TNIK: variants seen among roughly 807,000 people sequenced by gnomAD.
TNIK encodes TRAF2 and NCK interacting kinase, also known as TRAF2 and NCK-interacting protein kinase.
TNIK carries 49 observed loss-of-function variants against 191.3 expected under a neutral mutation model. That is an observed-to-expected ratio of 0.26 (90% CI 0.20 to 0.32). The LOEUF is 0.32. Ranked by LOEUF, TNIK falls within the 10% of genes least tolerant of loss-of-function variation. The pLI is 1.00. For synonymous variants in TNIK, 594 were observed against 600.9 expected (o/e 0.99, Z 0.17); for missense variants, 1,155 against 1,702.3 (o/e 0.68, Z 5.66).
intron 22 of TNIK, 42 bp downstream of exon 22, chr3:171,101,407 C>A: frequency 6.5e-7 from 1 of 1,544,996 alleles, no homozygotes; most frequent in Non-Finnish European, 8.7e-7. Context: ...TTTTGGAAAC[C>A]TAGTCCCCTC....
chr3:171,312,494 C>T (rs1026844935), intron 2 of TNIK, among the ~76,000 whole-genome samples: 2 of 151,836 alleles, frequency 1.3e-5, no homozygotes, highest in African/African-American at 2.4e-5. Context: ...CAGGTTTTAA[C>T]GACTACCCAC....
intron 2 of TNIK, among the ~76,000 whole-genome samples, chr3:171,299,518 G>T (rs1446924519): frequency 2.0e-5 from 3 of 152,174 alleles, no homozygotes. Context: ...TTAACTACTT[G>T]ATACAATGAA....
intron 2 of TNIK, among the ~76,000 whole-genome samples, chr3:171,360,063 T>C (rs1714748926): frequency 6.6e-6 from 1 of 152,188 alleles, no homozygotes; most frequent in South Asian, 2.1e-4. Flanking sequence ...TATTTTGGAC[T>C]AAAGCATTCT....
chr3:171,355,344 G>A (rs373661240), intron 2 of TNIK, among the ~76,000 whole-genome samples: 2 of 152,182 alleles, frequency 1.3e-5, no homozygotes, highest in East Asian at 3.8e-4. Flanking sequence ...GAATGGAAAG[G>A]TTTTGAAGTT....
At chr3:171,264,364 T>A (rs1748116959) in intron 2 of TNIK, among the ~76,000 whole-genome samples, 1 of 150,958 alleles carries the variant, frequency 6.6e-6, no homozygotes, top group African/African-American at 2.4e-5. Flanking sequence ...ATATATATAT[T>A]TTATTTTCAG....
chr3:171,079,854 G>C (rs1349210589), intron 27 of TNIK, among the ~76,000 whole-genome samples: 2 of 152,132 alleles, frequency 1.3e-5, no homozygotes, highest in African/African-American at 2.4e-5. Flanking sequence ...ACGTGTTTTA[G>C]ACACATCACA....
chr3:171,289,327 G>T (rs1284932384), intron 2 of TNIK, among the ~76,000 whole-genome samples: 1 of 152,178 alleles, frequency 6.6e-6, no homozygotes, highest in Non-Finnish European at 1.5e-5. Flanking sequence ...CCTTTAAAAG[G>T]CTATGGTTCT....
intron 2 of TNIK, among the ~76,000 whole-genome samples, chr3:171,334,318 G>C (rs144683016): frequency 6.6e-6 from 1 of 152,142 alleles, no homozygotes; most frequent in African/African-American, 2.4e-5. Flanking sequence ...CACTGTGACC[G>C]TAGAAACTGG....
chr3:171,206,249 ATATATGAT>A (rs1307547706), intron 4 of TNIK, among the ~76,000 whole-genome samples: 1 of 151,736 alleles, frequency 6.6e-6, no homozygotes, highest in Non-Finnish European at 1.5e-5. Flanking sequence ...AGCCATGTAT[ATATATGAT>A]GATATGATAA....
At chr3:171,073,293 A>T (rs1029852164) in intron 28 of TNIK, among the ~76,000 whole-genome samples, 1 of 152,068 alleles carries the variant, frequency 6.6e-6, no homozygotes, top group Non-Finnish European at 1.5e-5. Context: ...AACATAAACA[A>T]TGAGGAAAGG....
intron 2 of TNIK, among the ~76,000 whole-genome samples, chr3:171,322,802 G>GT (rs11415415): frequency 0.25 from 36,043 of 143,814 alleles, 5,191 homozygotes; most frequent in African/African-American, 0.42. Context: ...TGTTATTAGT[G>GT]TTTTTTTTGT....
At chr3:171,350,168 C>T (rs1712907119) in intron 2 of TNIK, among the ~76,000 whole-genome samples, 1 of 152,164 alleles carries the variant, frequency 6.6e-6, no homozygotes, top group African/African-American at 2.4e-5. Context: ...ACAATATTTA[C>T]ACAAAATATT....
At chr3:171,358,553 G>A (rs1387396348) in intron 2 of TNIK, among the ~76,000 whole-genome samples, 2 of 152,168 alleles carry the variant, frequency 1.3e-5, no homozygotes, top group Non-Finnish European at 2.9e-5. Context: ...ATTTGGGTAG[G>A]GAGACAGCCA....
chr3:171,268,564 G>A (rs142742374), intron 2 of TNIK, among the ~76,000 whole-genome samples: 1 of 152,092 alleles, frequency 6.6e-6, no homozygotes, highest in East Asian at 1.9e-4. Flanking sequence ...TCTTTGTACT[G>A]CTTTAACTGA....
At chr3:171,155,880 G>C (rs1227663644) in intron 12 of TNIK, among the ~76,000 whole-genome samples, 2 of 152,222 alleles carry the variant, frequency 1.3e-5, no homozygotes, top group Non-Finnish European at 2.9e-5. Context: ...CTTAGGCTCT[G>C]CAGGCCAATC....
At chr3:171,115,138 C>T (rs192961211) in intron 18 of TNIK, among the ~76,000 whole-genome samples, 8 of 152,186 alleles carry the variant, frequency 5.3e-5, no homozygotes, top group South Asian at 2.1e-4. Flanking sequence ...TTTTGTGGAA[C>T]GGTAATGTAG....
chr3:171,167,107 G>T lies in TNIK; in HGVS notation c.937C>A (p.Arg313=). Residue 313 remains arginine (R), a synonymous_variant, in exon 10 of 33, where the codon CGA becomes AGA. Transcript: ENST00000436636. ...ATGTGCGTCTAACCTTTTTCTCCTC[G>T]CTTCTTCTTTGTTCTATCAATATGG... ...KDHIDRTKKK[R]GEKDETEYEY... The T allele has an allele frequency of 6.2e-7, 1 of 1,608,582 alleles. No homozygotes were observed.
chr3:171,256,566 A>AACACTTTAGGAAATACTGTTTTG (rs1746906096), intron 2 of TNIK, among the ~76,000 whole-genome samples: 1 of 152,188 alleles, frequency 6.6e-6, no homozygotes, highest in Non-Finnish European at 1.5e-5. Flanking sequence ...CTACTTCATA[A>AACACTTTAGGAAATACTGTTTTG]ACACTTTAGG....
chr3:171,111,000 A>G, intron 18 of TNIK, 123 bp from the exon 19 acceptor site: 2 of 979,144 alleles, frequency 2.0e-6, no homozygotes, highest in Non-Finnish European at 2.8e-6. Flanking sequence ...AATAGCAAGA[A>G]AACGAATAAC....
Sources: gnomAD v4.1 joint callset for allele counts (sites outside exome capture counted in the v4.1 genomes callset) on GRCh38, gnomAD v4.1.1 for gene constraint, MANE v1.5 for transcripts, NCBI Gene and HGNC (gene_info 2026-07-23, HGNC 2026-07-21) for gene names.